The following CADM1 variants were observed in gnomAD, a reference collection of about 807,000 sequenced individuals.
CADM1 encodes the protein TSLC-1.
A neutral mutation model predicts 53.1 loss-of-function variants in CADM1; 15 were observed. The ratio of observed to expected loss-of-function variants is 0.28; its 90% confidence interval spans 0.19 to 0.44. The LOEUF (loss-of-function observed/expected upper bound fraction) is 0.44. Among genes scored for constraint, CADM1 ranks in the 20% least tolerant of loss-of-function variants. The pLI, the probability that CADM1 is intolerant of heterozygous loss-of-function variation, is 1.00. For missense variants in CADM1, 434 were observed against 611.3 expected, an observed-to-expected ratio of 0.71 and a Z score of 3.06; for synonymous variants, 281 against 243.0, an observed-to-expected ratio of 1.16 and a Z score of -1.45.
intron 1 of CADM1, among the ~76,000 whole-genome samples, chr11:115,359,634 A>G (rs1272065273): frequency 6.6e-6 from 1 of 152,152 alleles, no homozygotes; most frequent in Non-Finnish European, 1.5e-5. Context: ...GTGCCAACAA[A>G]TATTTACTGA....
chr11:115,392,405 G>C (rs1001034891), intron 1 of CADM1, among the ~76,000 whole-genome samples: 1 of 151,714 alleles, frequency 6.6e-6, no homozygotes, highest in African/African-American at 2.4e-5. Context: ...AATTTCTAAA[G>C]AGTTATAATA....
rs1591722480 is a variant in CADM1, at chr11:115,338,613, T to C, written c.125-98193A>G. 3.3e-5 allele frequency among the ~76,000 whole-genome samples: 5 copies of C among 152,278 alleles called. 1 individual carries two copies. Among genetic ancestry groups the C allele is most frequent in the African/African-American group, 1.2e-4 (5 of 41,574 alleles). ...AAGGCCCCCACTGACCAACGGCAGA[T>C]GCTCACACGTAGGAAGCACACTGTG... On this transcript the variant is annotated intron_variant, in intron 1 of 11. Transcript: ENST00000331581.
intron 1 of CADM1, among the ~76,000 whole-genome samples, chr11:115,487,740 T>G (rs1431049884): frequency 2.0e-5 from 3 of 152,230 alleles, no homozygotes; most frequent in Non-Finnish European, 1.5e-5. Context: ...TAAGCAATCC[T>G]GCCGACAGGC....
At chr11:115,427,802 A>G (rs1947929152) in intron 1 of CADM1, among the ~76,000 whole-genome samples, 2 of 151,966 alleles carry the variant, frequency 1.3e-5, no homozygotes, top group African/African-American at 4.8e-5. Context: ...AGGTCAGGAA[A>G]TAAAGACCAT....
At chr11:115,335,461 AT>A (rs547087029) in intron 1 of CADM1, among the ~76,000 whole-genome samples, 255 of 152,252 alleles carry the variant, frequency 1.7e-3, no homozygotes, top group Non-Finnish European at 3.0e-3. Flanking sequence ...TCATGTATAT[AT>A]ATAGTTGTAA....
chr11:115,394,578 A>G (rs1946943296), intron 1 of CADM1, among the ~76,000 whole-genome samples: 1 of 152,224 alleles, frequency 6.6e-6, no homozygotes, highest in African/African-American at 2.4e-5. Context: ...CTAGCGTTAC[A>G]TATTGAAAAA....
chr11:115,236,030 T>C (rs1246370270), intron 3 of CADM1, among the ~76,000 whole-genome samples: 1 of 152,150 alleles, frequency 6.6e-6, no homozygotes, highest in African/African-American at 2.4e-5. Context: ...AGCATAATAG[T>C]AACTATAGAA....
At chr11:115,304,348 T>A (rs1228775225) in intron 1 of CADM1, among the ~76,000 whole-genome samples, 1 of 152,178 alleles carries the variant, frequency 6.6e-6, no homozygotes, top group South Asian at 2.1e-4. Context: ...TCCTACCTTA[T>A]CAAGCGCTTA....
intron 6 of CADM1, 144 bp downstream of exon 6, chr11:115,217,748 A>T: frequency 1.4e-6 from 1 of 705,582 alleles, no homozygotes; most frequent in East Asian, 2.7e-5. Context: ...TTCCACTCTC[A>T]CTGAATATTC....
intron 11 of CADM1, 123 bp from the exon 12 acceptor site, chr11:115,176,715 A>C: frequency 2.4e-6 from 2 of 845,242 alleles, no homozygotes; most frequent in Non-Finnish European, 4.1e-6. Flanking sequence ...CAGAGGGGAA[A>C]AAACAATTGG....
At chr11:115,436,331 A>G (rs1385425889) in intron 1 of CADM1, among the ~76,000 whole-genome samples, 2 of 152,178 alleles carry the variant, frequency 1.3e-5, no homozygotes, top group Non-Finnish European at 2.9e-5. Context: ...GGTTTTTCCA[A>G]AAGTGTTCCT....
rs879058435 is a variant in CADM1 at position 115,175,756 on chromosome 11, C to T, written c.*718G>A. 1.0e-6 allele frequency: 1 copy of T among 992,318 alleles called. No homozygotes were observed. The highest frequency in any genetic ancestry group is 1.7e-5 in the African/African-American group (1 of 57,384). 61.5% of individuals were successfully genotyped at this position (992,318 alleles called of 1,614,324 possible). ...CACCTCACTTGCAGATAACCCTGTA[C>T]AGTAATGTAGTTCCACAGCAAACAG... On this transcript the variant is annotated 3_prime_UTR_variant, in exon 12 of 12. Transcript: ENST00000331581.
chr11:115,377,483 G>A (rs1946467850), intron 1 of CADM1: 1 of 152,138 alleles, frequency 6.6e-6, no homozygotes, highest in African/African-American at 2.4e-5. Context: ...GACTAAAAAT[G>A]TTTGCAAGAA....
intron 1 of CADM1, among the ~76,000 whole-genome samples, chr11:115,421,760 C>G (rs1449411428): frequency 6.6e-6 from 1 of 152,146 alleles, no homozygotes; most frequent in Non-Finnish European, 1.5e-5. Context: ...ATGTTTCTCT[C>G]AAGCACAGTT....
chr11:115,214,347 G>A (rs945834648), intron 7 of CADM1: 4 of 509,500 alleles, frequency 7.9e-6, no homozygotes, highest in South Asian at 2.1e-5. Context: ...TCCATGGCTT[G>A]TGCCTGAGGA....
intron 1 of CADM1, among the ~76,000 whole-genome samples, chr11:115,404,842 A>G (rs1947272925): frequency 7.1e-6 from 1 of 141,616 alleles, no homozygotes; most frequent in African/African-American, 2.7e-5. Context: ...ACCCTGCCTC[A>G]GGAAAAAAAA....
intron 1 of CADM1, among the ~76,000 whole-genome samples, chr11:115,500,749 A>AT (rs1392814878): frequency 6.6e-5 from 10 of 152,158 alleles, no homozygotes; most frequent in African/African-American, 1.7e-4. Context: ...GGTAGCTAGC[A>AT]TTGTCTTCTG....
intron 1 of CADM1, among the ~76,000 whole-genome samples, chr11:115,371,195 T>C (rs1946297877): frequency 6.6e-6 from 1 of 152,164 alleles, no homozygotes; most frequent in Non-Finnish European, 1.5e-5. Flanking sequence ...AAATTATTTT[T>C]AATTTTTAAA....
chr11:115,320,061 C>G (rs974980936), intron 1 of CADM1, among the ~76,000 whole-genome samples: 7 of 151,980 alleles, frequency 4.6e-5, no homozygotes, highest in Non-Finnish European at 1.0e-4. Flanking sequence ...TTTATTTATT[C>G]ATTCATTCAT....
Sources: gnomAD v4.1 joint callset for allele counts (sites outside exome capture counted in the v4.1 genomes callset) on GRCh38, gnomAD v4.1.1 for gene constraint, MANE v1.5 for transcripts, NCBI Gene and HGNC (gene_info 2026-07-23, HGNC 2026-07-21) for gene names.